Variants in GSAP observed in about 807,000 individuals in gnomAD.
GSAP encodes gamma-secretase-activating protein.
In GSAP, 118 loss-of-function variants were observed where a neutral mutation model predicts 131.7. That is an observed-to-expected ratio of 0.90 (90% CI 0.77 to 1.04). GSAP has a LOEUF of 1.04. Ranked by LOEUF, GSAP falls within the 50% of genes least tolerant of loss-of-function variation. The probability of loss-of-function intolerance (pLI) is 0.00; values close to 1 mark genes in which losing one functional copy is unlikely to be tolerated. For synonymous variants in GSAP, 381 were observed against 363.4 expected (o/e 1.05, Z -0.55); for missense variants, 1,019 against 1,013.2 (o/e 1.01, Z -0.08).
chr7:77,409,002 C>G (rs542837138), intron 1 of GSAP, among the ~76,000 whole-genome samples: 1 of 152,262 alleles, frequency 6.6e-6, no homozygotes. Context: ...CTCTTCCCCA[C>G]CCCTCACAAG....
At chr7:77,311,517 G>A in intron 30 of GSAP, 68 bp from the exon 31 acceptor site, 1 of 780,878 alleles carries the variant, frequency 1.3e-6, no homozygotes, top group Non-Finnish European at 2.2e-6. Flanking sequence ...TTATAACTTT[G>A]TGCTCACAGC....
In GSAP at chr7:77,311,182, G is replaced by A; in HGVS notation, c.*176C>T. 1 of 550,078 alleles carries A rather than the reference G, an allele frequency of 1.8e-6. No homozygotes were observed. The highest frequency in any genetic ancestry group is 3.3e-6 in the Non-Finnish European group (1 of 307,468). 34.1% of individuals were successfully genotyped at this position (550,078 alleles called of 1,614,324 possible). A position where few individuals can be genotyped will look rare whatever the true frequency, so the allele number is the denominator to read the frequency against. On this transcript the variant is annotated 3_prime_UTR_variant, in exon 31 of 31. Transcript: ENST00000257626. ...ATTGCTCACTGGCTATTCAAAATTG[G>A]AATGTGATACAGCAGTTCTGTCTGA...
intron 12 of GSAP, among the ~76,000 whole-genome samples, chr7:77,366,241 C>T (rs905311140): frequency 1.3e-5 from 2 of 151,998 alleles, no homozygotes; most frequent in African/African-American, 4.8e-5. Context: ...AAGTTTAATT[C>T]GATCCCATTT....
At chr7:77,381,428 T>A in intron 7 of GSAP, 74 bp from the exon 8 acceptor site, 1 of 694,898 alleles carries the variant, frequency 1.4e-6, no homozygotes, top group Non-Finnish European at 2.4e-6. Context: ...CTAACTCTTG[T>A]AAAAACATTG....
intron 5 of GSAP, among the ~76,000 whole-genome samples, chr7:77,396,038 G>A (rs931242104): frequency 6.6e-6 from 1 of 152,112 alleles, no homozygotes; most frequent in Non-Finnish European, 1.5e-5. Context: ...TTACAAATTC[G>A]ATCTTTACAA....
At chr7:77,384,363 G>A (rs949149786) in intron 6 of GSAP, among the ~76,000 whole-genome samples, 2 of 152,184 alleles carry the variant, frequency 1.3e-5, no homozygotes, top group South Asian at 4.1e-4. Flanking sequence ...TCAGGTAGGT[G>A]TTGTTTTTCT....
At chr7:77,313,007 T>C (rs957597140) in intron 28 of GSAP, among the ~76,000 whole-genome samples, 23 of 152,212 alleles carry the variant, frequency 1.5e-4, no homozygotes, top group African/African-American at 5.5e-4. Context: ...TTTCATAGTA[T>C]CTCTCACTCT....
chr7:77,372,848 TTCTC>T (rs759051521), intron 12 of GSAP, among the ~76,000 whole-genome samples: 5 of 152,200 alleles, frequency 3.3e-5, no homozygotes, highest in Non-Finnish European at 5.9e-5. Flanking sequence ...CTCTCCAGCT[TTCTC>T]TCTCTCACTC....
chr7:77,364,040 T>C (rs1404619347), intron 12 of GSAP, among the ~76,000 whole-genome samples: 3 of 152,048 alleles, frequency 2.0e-5, no homozygotes. Context: ...GAACATGAAA[T>C]TGCTTAAAAA....
intron 8 of GSAP, among the ~76,000 whole-genome samples, chr7:77,379,632 T>C (rs971235794): frequency 1.3e-5 from 2 of 152,174 alleles, no homozygotes; most frequent in African/African-American, 4.8e-5. Flanking sequence ...CCCCTGTCTA[T>C]GCTCACTCTC....
intron 1 of GSAP, among the ~76,000 whole-genome samples, chr7:77,415,086 A>G (rs1804111097): frequency 6.6e-6 from 1 of 152,180 alleles, no homozygotes; most frequent in African/African-American, 2.4e-5. Context: ...AAGCCTTACT[A>G]AGCATGACAC....
intron 16 of GSAP, 68 bp from the exon 17 acceptor site, chr7:77,353,709 A>G (rs1274983129): frequency 7.9e-6 from 7 of 890,246 alleles, no homozygotes; most frequent in Non-Finnish European, 1.3e-5. Flanking sequence ...CCAAAGAAGT[A>G]CAAATATACA....
intron 12 of GSAP, among the ~76,000 whole-genome samples, chr7:77,365,027 C>T (rs978918899): frequency 2.0e-5 from 3 of 152,198 alleles, no homozygotes; most frequent in African/African-American, 7.2e-5. Context: ...GTGGTGCAAA[C>T]ATGGCTCACT....
chr7:77,374,005 A>G (rs1212023838), intron 12 of GSAP, 65 bp downstream of exon 12: 3 of 862,550 alleles, frequency 3.5e-6, no homozygotes, highest in East Asian at 4.9e-5. Context: ...TAGCTAAACA[A>G]TGAGTAAATT....
chr7:77,381,223 A>G, intron 8 of GSAP, 82 bp downstream of exon 8: 1 of 662,060 alleles, frequency 1.5e-6, no homozygotes, highest in Non-Finnish European at 2.6e-6. Flanking sequence ...TATATCAATA[A>G]CATTATCTTT....
intron 19 of GSAP, among the ~76,000 whole-genome samples, chr7:77,340,394 G>A (rs1790726647): frequency 6.6e-6 from 1 of 152,148 alleles, no homozygotes; most frequent in Admixed American, 6.5e-5. Flanking sequence ...CCCAGGACAG[G>A]AGGACTCCTT....
chr7:77,362,133 A>G (rs1268267406), intron 13 of GSAP, among the ~76,000 whole-genome samples: 1 of 152,234 alleles, frequency 6.6e-6, no homozygotes, highest in East Asian at 1.9e-4. Flanking sequence ...TTTCTTCAGG[A>G]AATATATATC....
chr7:77,355,795 T>G (rs967090438), intron 14 of GSAP, 148 bp from the exon 15 acceptor site: 22 of 533,100 alleles, frequency 4.1e-5, no homozygotes, highest in East Asian at 3.8e-4. Flanking sequence ...CCGTTTTTTT[T>G]TTTTTTTTTT....
intron 5 of GSAP, among the ~76,000 whole-genome samples, chr7:77,395,497 A>G (rs560978873): frequency 1.3e-5 from 2 of 152,266 alleles, no homozygotes; most frequent in African/African-American, 4.8e-5. Context: ...CCTGCACTTA[A>G]TTCTAAAAGG....
Sources: gnomAD v4.1 joint callset for allele counts (sites outside exome capture counted in the v4.1 genomes callset) on GRCh38, gnomAD v4.1.1 for gene constraint, MANE v1.5 for transcripts, NCBI Gene and HGNC (gene_info 2026-07-23, HGNC 2026-07-21) for gene names.